Variants in FSIP1 observed in about 807,000 individuals in gnomAD.
FSIP1 encodes the protein fibrous sheath-interacting protein 1.
Under a neutral mutation model 60.9 loss-of-function variants are expected in FSIP1, and 65 were observed. The ratio of observed to expected loss-of-function variants is 1.07; its 90% CI spans 0.87 to 1.31. The LOEUF is 1.31. Ranked by LOEUF, FSIP1 falls within the 40% of genes most tolerant of loss-of-function variation. The pLI, the probability that FSIP1 is intolerant of heterozygous loss-of-function variation, is 0.00. For missense variants in FSIP1, 675 were observed against 665.5 expected, an observed-to-expected ratio of 1.01 and a Z score of -0.16; for synonymous variants, 209 against 221.2, an observed-to-expected ratio of 0.94 and a Z score of 0.49.
chr15:39,782,356 T>C (rs567505152), intron 1 of FSIP1, among the ~76,000 whole-genome samples: 52 of 152,360 alleles, frequency 3.4e-4, no homozygotes, highest in Admixed American at 3.1e-3. Context: ...TGATCAGTTC[T>C]AGATCTTGGT....
Position 39,663,455 on chromosome 15 carries a change from T to C in FSIP1, c.1189-45210A>G, listed in dbSNP as rs1893380104. On this transcript the variant is annotated intron_variant, in intron 10 of 11. Coordinates refer to ENST00000350221, the MANE Select transcript of FSIP1 (RefSeq NM_152597.5). Reference sequence around the variant, plus strand: ...TGTGTATTCAAATCTACGGTAAATATATCCAACTCAATACCCAGTCCGATT... The same window carrying C: ...TGTGTATTCAAATCTACGGTAAATACATCCAACTCAATACCCAGTCCGATT... Among the ~76,000 whole-genome samples the C allele has an allele frequency of 1.3e-5, 2 of 152,160 alleles. 1 individual carries two copies. Among genetic ancestry groups the C allele is most frequent in the Admixed American group, 1.3e-4 (2 of 15,276 alleles).
chr15:39,678,372 C>T (rs184439868), intron 10 of FSIP1, among the ~76,000 whole-genome samples: 1 of 152,040 alleles, frequency 6.6e-6, no homozygotes, highest in African/African-American at 2.4e-5. Context: ...GAAATGAGAC[C>T]TTCATAAGGA....
intron 10 of FSIP1, among the ~76,000 whole-genome samples, chr15:39,652,649 T>A (rs1892918399): frequency 6.6e-6 from 1 of 152,212 alleles, no homozygotes; most frequent in African/African-American, 2.4e-5. Flanking sequence ...CAAAGTAATC[T>A]TATCTGTGAC....
chr15:39,771,450 C>T lies in FSIP1; in HGVS notation c.127-840G>A, dbSNP rs560856688. On this transcript the variant is annotated intron_variant, in intron 2 of 11. Coordinates refer to ENST00000350221, the MANE Select transcript of FSIP1 (RefSeq NM_152597.5). ...TCTCCACCACAATCTGCAGTCCCCTCGTGAATCCCCAGGGTGGAAGATGGA... is the reference window on the plus strand; with the variant it reads ...TCTCCACCACAATCTGCAGTCCCCTTGTGAATCCCCAGGGTGGAAGATGGA... Among the ~76,000 whole-genome samples the T allele has an allele frequency of 2.0e-5, 3 of 152,306 alleles. No homozygotes were observed. The South Asian group carries it at 6.2e-4, about 32-fold the overall frequency.
At chr15:39,725,824 G>C (rs948871329) in intron 9 of FSIP1, among the ~76,000 whole-genome samples, 10 of 146,258 alleles carry the variant, frequency 6.8e-5, no homozygotes, top group African/African-American at 2.5e-4. Flanking sequence ...TCGTTGTGTT[G>C]CCCAGGCTGG....
At position 39,739,673 on chromosome 15, in the gene FSIP1, T is replaced by A. The variant is rs1187293832; in HGVS notation, c.772A>T (p.Asn258Tyr). Reference protein sequence around the residue: ...GKHNQDFIKRNIELAKESRNP... With the variant: ...GKHNQDFIKRYIELAKESRNP... ...AATTTCTAAGTACATACCTCAATGTTTCTCTTAATAAAATCCTGGTTGTGT... is the reference window on the plus strand; with the variant it reads ...AATTTCTAAGTACATACCTCAATGTATCTCTTAATAAAATCCTGGTTGTGT... The change falls in exon 7 of 12, where the codon AAC (asparagine) becomes TAC (tyrosine). Residue 258 changes from asparagine to tyrosine, a missense_variant. Coordinates refer to ENST00000350221, the MANE Select transcript of FSIP1 (RefSeq NM_152597.5). 3 of 1,592,810 alleles carry A rather than the reference T, an allele frequency of 1.9e-6. No homozygotes were observed. The African/African-American group carries it at 4.1e-5, about 22-fold the overall frequency.
chr15:39,616,556 G>T (rs942464042), intron 11 of FSIP1, among the ~76,000 whole-genome samples: 1 of 152,148 alleles, frequency 6.6e-6, no homozygotes, highest in East Asian at 1.9e-4. Flanking sequence ...GAAGAAGAGG[G>T]CCTGAACAAC....
intron 11 of FSIP1, among the ~76,000 whole-genome samples, chr15:39,614,211 CA>C (rs35578615): frequency 0.39 from 59,208 of 150,420 alleles, 13,490 homozygotes; most frequent in African/African-American, 0.65. Context: ...TCAGAAGTGA[CA>C]AAAAAAAATC....
chr15:39,738,356 A>T (rs1896689495), intron 7 of FSIP1, among the ~76,000 whole-genome samples, 155 bp from the exon 8 acceptor site: 1 of 150,278 alleles, frequency 6.7e-6, no homozygotes, highest in South Asian at 2.1e-4. Flanking sequence ...ATTTTATACC[A>T]AAATTTTTAT....
In FSIP1 at chr15:39,717,094, G is replaced by A. The variant is rs576233812; in HGVS notation, c.1051-3513C>T. 2.6e-4 allele frequency among the ~76,000 whole-genome samples: 39 copies of A among 152,190 alleles called. 1 individual carries two copies. In the East Asian group the frequency reaches 4.8e-3, roughly 19 times the overall value. On this transcript the variant is annotated intron_variant, in intron 9 of 11. Transcript: ENST00000350221. ...TCCAAAGTGCTGGGATTACAGGTGT[G>A]AGCCACCACGCCAAAACAGGCCATT...
At chr15:39,773,742 AGGAG>A (rs1240738501) in intron 2 of FSIP1, among the ~76,000 whole-genome samples, 1 of 152,250 alleles carries the variant, frequency 6.6e-6, no homozygotes, top group Non-Finnish European at 1.5e-5. Context: ...TAAGTATGCT[AGGAG>A]ATAAAAGCCA....
At chr15:39,723,422 G>A (rs576897653) in intron 9 of FSIP1, among the ~76,000 whole-genome samples, 73 of 152,312 alleles carry the variant, frequency 4.8e-4, no homozygotes, top group Non-Finnish European at 9.6e-4. Flanking sequence ...GTAGAGATGG[G>A]ATTTCACCAT....
At chr15:39,666,671 T>G (rs768002496) in intron 10 of FSIP1, among the ~76,000 whole-genome samples, 2 of 152,236 alleles carry the variant, frequency 1.3e-5, no homozygotes, top group Admixed American at 6.5e-5. Flanking sequence ...GCTCCACATC[T>G]AAGTGTTCTC....
chr15:39,623,194 A>G (rs555862347), intron 10 of FSIP1, among the ~76,000 whole-genome samples: 2 of 152,202 alleles, frequency 1.3e-5, no homozygotes, highest in East Asian at 1.9e-4. Flanking sequence ...CCCACCTCCT[A>G]TGCTATATAT....
chr15:39,718,058 T>C (rs1201549775), intron 9 of FSIP1, among the ~76,000 whole-genome samples: 1 of 151,782 alleles, frequency 6.6e-6, no homozygotes, highest in Non-Finnish European at 1.5e-5. Flanking sequence ...ACACACTTTT[T>C]CTTCCCCCAT....
At chr15:39,622,157 A>G (rs1374062271) in intron 10 of FSIP1, among the ~76,000 whole-genome samples, 1 of 147,884 alleles carries the variant, frequency 6.8e-6, no homozygotes, top group African/African-American at 2.5e-5. Context: ...GGCACTGTCA[A>G]GTAACCATCT....
At chr15:39,722,940 A>C (rs1896040757) in intron 9 of FSIP1, among the ~76,000 whole-genome samples, 1 of 151,994 alleles carries the variant, frequency 6.6e-6, no homozygotes, top group Admixed American at 6.6e-5. Flanking sequence ...TTGAAGAAAA[A>C]AAAAAAAGCT....
intron 10 of FSIP1, among the ~76,000 whole-genome samples, chr15:39,707,286 T>C (rs1895313954): frequency 6.6e-6 from 1 of 152,166 alleles, no homozygotes; most frequent in Non-Finnish European, 1.5e-5. Context: ...TTGTTTACCA[T>C]TGCTTTTTTC....
At chr15:39,656,595 C>CTA (rs1489116490) in intron 10 of FSIP1, among the ~76,000 whole-genome samples, 2 of 152,164 alleles carry the variant, frequency 1.3e-5, no homozygotes, top group African/African-American at 4.8e-5. Context: ...ATTTCTTCAT[C>CTA]TATAAAGTCA....
Sources: gnomAD v4.1 joint callset for allele counts (sites outside exome capture counted in the v4.1 genomes callset) on GRCh38, gnomAD v4.1.1 for gene constraint, MANE v1.5 for transcripts, NCBI Gene and HGNC (gene_info 2026-07-23, HGNC 2026-07-21) for gene names.